Variants in RSF1 observed in about 807,000 individuals in gnomAD.
RSF1 encodes remodeling and spacing factor 1.
Under a neutral mutation model 145.2 loss-of-function variants are expected in RSF1, and 13 were observed. That is an observed-to-expected ratio of 0.09 (90% CI 0.06 to 0.14). RSF1 has a LOEUF of 0.14. Ranked by LOEUF, RSF1 falls within the 10% of genes least tolerant of loss-of-function variation. The pLI is 1.00. For missense variants in RSF1, 1,517 were observed against 1,718.2 expected, an observed-to-expected ratio of 0.88 and a Z score of 2.07; for synonymous variants, 577 against 592.6, an observed-to-expected ratio of 0.97 and a Z score of 0.38.
In RSF1 at chr11:77,755,154, G is replaced by T. The variant is rs180674509; in HGVS notation, c.280-8026C>A. Among the ~76,000 whole-genome samples, 87 of 152,322 alleles carry T rather than the reference G, an allele frequency of 5.7e-4. 2 individuals carry two copies. The highest frequency in any genetic ancestry group is 5.7e-3 in the Admixed American group (87 of 15,294). On this transcript the variant is annotated intron_variant, in intron 2 of 15. Transcript: ENST00000308488. Reference sequence around the variant, plus strand: ...GGGAAAATAGTATGATCTGATTAATGCTTCATTTGAAATCATGGCTGCTAT... The same window carrying T: ...GGGAAAATAGTATGATCTGATTAATTCTTCATTTGAAATCATGGCTGCTAT...
chr11:77,736,722 G>T (rs778559865), intron 4 of RSF1, among the ~76,000 whole-genome samples: 3 of 152,102 alleles, frequency 2.0e-5, no homozygotes, highest in Non-Finnish European at 4.4e-5. Context: ...CTGAAAATTT[G>T]ACATAAATTA....
At chr11:77,713,259 G>A (rs1031759505) in intron 5 of RSF1, among the ~76,000 whole-genome samples, 7 of 152,154 alleles carry the variant, frequency 4.6e-5, no homozygotes, top group Admixed American at 3.9e-4. Context: ...CGGGAAAAGA[G>A]ATTATAGATA....
At chr11:77,869,853 G>A in the RSF1 span, 1 of 1,592,648 alleles carries the variant, frequency 6.3e-7, no homozygotes, top group Admixed American at 1.7e-5. Flanking sequence ...CTGAGGACAG[G>A]TGGGGATCTC....
intron 1 of RSF1, among the ~76,000 whole-genome samples, chr11:77,810,467 T>C (rs965168977): frequency 2.6e-5 from 4 of 152,230 alleles, no homozygotes; most frequent in Non-Finnish European, 5.9e-5. Flanking sequence ...GATGTAAAAT[T>C]AGATCAATAC....
At chr11:77,855,710 A>T in the RSF1 span, among the ~76,000 whole-genome samples, 1 of 123,960 alleles carries the variant, frequency 8.1e-6, no homozygotes, top group Admixed American at 1.0e-4. Context: ...TGTAAGTTCC[A>T]GTTTTATGTC....
chr11:77,828,137 T>C, the RSF1 span, among the ~76,000 whole-genome samples: 1 of 152,036 alleles, frequency 6.6e-6, no homozygotes, highest in South Asian at 2.1e-4. Context: ...TAGCTGGGCA[T>C]GGTGATGCGC....
At chr11:77,762,634 G>A (rs1948187318) in intron 2 of RSF1, 1 of 152,196 alleles carries the variant, frequency 6.6e-6, no homozygotes, top group South Asian at 2.1e-4. Context: ...AACAATAGAT[G>A]ACAAATAGAT....
intron 1 of RSF1, among the ~76,000 whole-genome samples, chr11:77,789,273 G>T (rs1456511340): frequency 6.6e-6 from 1 of 152,172 alleles, no homozygotes; most frequent in African/African-American, 2.4e-5. Flanking sequence ...GGAAGCTGTC[G>T]GGAGATTGTA....
chr11:77,813,526 T>C, intron 1 of RSF1: 1 of 762,980 alleles, frequency 1.3e-6, no homozygotes, highest in South Asian at 1.4e-5. Flanking sequence ...ACTGGTCCTT[T>C]CACTTGGAGA....
the RSF1 span, among the ~76,000 whole-genome samples, chr11:77,859,207 T>C: frequency 6.6e-6 from 1 of 152,232 alleles, no homozygotes; most frequent in East Asian, 1.9e-4. Flanking sequence ...AGGGGCTTGG[T>C]TTCCCAGAGG....
intron 1 of RSF1, among the ~76,000 whole-genome samples, chr11:77,780,559 C>T (rs1283623422): frequency 6.6e-6 from 1 of 152,138 alleles, no homozygotes; most frequent in African/African-American, 2.4e-5. Flanking sequence ...GGTGCTGTGG[C>T]TCACACCTGT....
rs1460060376 is a variant in RSF1, at chr11:77,661,305, C to T, written c.*5612G>A. ...AGCTACTTTGAAAGAGAATAGAACA[C>T]CAGACTAACATTGAGAATACCCTAG... On this transcript the variant is annotated 3_prime_UTR_variant, in exon 16 of 16. Transcript: ENST00000308488. 1 of 152,080 alleles carries T rather than the reference C, an allele frequency of 6.6e-6. No individual in the cohort carries two copies. The highest frequency in any genetic ancestry group is 2.4e-5 in the African/African-American group (1 of 41,404). 9.4% of individuals were successfully genotyped at this position (152,080 alleles called of 1,614,324 possible). A position where few individuals can be genotyped will look rare whatever the true frequency, so the allele number is the denominator to read the frequency against.
intron 9 of RSF1, among the ~76,000 whole-genome samples, chr11:77,690,111 G>A (rs1256816378): frequency 1.4e-5 from 2 of 146,774 alleles, no homozygotes; most frequent in Admixed American, 7.0e-5. Flanking sequence ...GCCATGAGCC[G>A]AGACTGTGCC....
At chr11:77,730,738 T>C (rs1416593997) in intron 4 of RSF1, among the ~76,000 whole-genome samples, 2 of 152,194 alleles carry the variant, frequency 1.3e-5, no homozygotes, top group African/African-American at 2.4e-5. Flanking sequence ...TGAATGAGTC[T>C]CACGAGATCT....
intron 1 of RSF1, among the ~76,000 whole-genome samples, chr11:77,801,566 T>C (rs994721749): frequency 1.3e-5 from 2 of 152,240 alleles, no homozygotes; most frequent in Non-Finnish European, 2.9e-5. Context: ...ACCTGGTTCC[T>C]GACACAGAGC....
chr11:77,775,840 C>T (rs1565176833), intron 1 of RSF1, among the ~76,000 whole-genome samples: 4 of 152,152 alleles, frequency 2.6e-5, no homozygotes, highest in Non-Finnish European at 5.9e-5. Context: ...ACGATCGGGG[C>T]TCACTGACTG....
chr11:77,805,786 A>AACAT (rs1368417463), intron 1 of RSF1, among the ~76,000 whole-genome samples: 8 of 152,236 alleles, frequency 5.3e-5, no homozygotes, highest in African/African-American at 1.9e-4. Flanking sequence ...CTTATATGTA[A>AACAT]GTTACCAGAC....
chr11:77,781,776 T>G (rs1054539802), intron 1 of RSF1, among the ~76,000 whole-genome samples: 1 of 152,248 alleles, frequency 6.6e-6, no homozygotes, highest in Non-Finnish European at 1.5e-5. Context: ...GAGGGAAGTG[T>G]TGAAATTTCC....
At chr11:77,849,096 G>A in the RSF1 span, among the ~76,000 whole-genome samples, 1 of 151,530 alleles carries the variant, frequency 6.6e-6, no homozygotes, top group African/African-American at 2.4e-5. Flanking sequence ...GAGTGCAATG[G>A]CGCCATTATT....
Sources: allele counts gnomAD v4.1 joint callset (sites outside exome capture counted in the v4.1 genomes callset), GRCh38; gene constraint gnomAD v4.1.1; transcripts MANE v1.5; gene names NCBI Gene and HGNC (gene_info 2026-07-23, HGNC 2026-07-21).